PPME1: variants seen among roughly 807,000 people sequenced by gnomAD.
PPME1 encodes testicular secretory protein Li 39.
Under a neutral mutation model 56.9 loss-of-function variants are expected in PPME1, and 17 were observed. The observed-to-expected ratio is 0.30, with a 90% CI of 0.20 to 0.45. The LOEUF (loss-of-function observed/expected upper bound fraction) is 0.45, where lower values mean the gene tolerates loss of function less well. Among genes scored for constraint, PPME1 ranks in the 20% least tolerant of loss-of-function variants. The probability of loss-of-function intolerance (pLI) is 1.00; values close to 1 mark genes in which losing one functional copy is unlikely to be tolerated. For missense variants in PPME1, 357 were observed against 483.2 expected (o/e 0.74, Z 2.45); for synonymous variants, 122 against 156.2 (o/e 0.78, Z 1.63).
chr11:74,246,778 C>T (rs1167859159), intron 10 of PPME1, among the ~76,000 whole-genome samples: 1 of 152,166 alleles, frequency 6.6e-6, no homozygotes, highest in Non-Finnish European at 1.5e-5. Context: ...TCTGGCCTGG[C>T]CTGTCTACTT....
intron 3 of PPME1, among the ~76,000 whole-genome samples, chr11:74,220,884 G>T (rs1858782228): frequency 6.6e-6 from 1 of 152,058 alleles, no homozygotes; most frequent in African/African-American, 2.4e-5. Flanking sequence ...CTGACTTTTT[G>T]ATTATCTTTA....
chr11:74,212,715 T>G lies in PPME1; in HGVS notation c.288+8270T>G, dbSNP rs377360797. On this transcript the variant is annotated intron_variant, in intron 3 of 13. Coordinates refer to ENST00000328257, the MANE Select transcript of PPME1 (RefSeq NM_016147.3). ...GAGTACCAAGGCCCATTCCAGGCCC[T>G]AATTCCCAGACAGCATGACACATAC... is the stretch of plus-strand genomic sequence containing the variant. 1.8e-4 allele frequency among the ~76,000 whole-genome samples: 27 copies of G among 152,154 alleles called. No individual in the cohort carries two copies. In the South Asian group the frequency reaches 5.6e-3, roughly 32 times the overall value.
chr11:74,188,663 C>T (rs189091741), intron 1 of PPME1, among the ~76,000 whole-genome samples: 12 of 152,176 alleles, frequency 7.9e-5, no homozygotes, highest in Admixed American at 5.9e-4. Context: ...TTGCTTTATC[C>T]AAATATGTAT....
rs1294839996 is a variant in PPME1, at chr11:74,254,206, C to T, written c.*696C>T. Reference sequence around the variant, plus strand: ...TGCCCTGGGCTGAGGCCAGGCTGCTCCAGGGGCCTCCTGCGCCCTCACCTG... The same window carrying T: ...TGCCCTGGGCTGAGGCCAGGCTGCTTCAGGGGCCTCCTGCGCCCTCACCTG... On this transcript the variant is annotated 3_prime_UTR_variant, in exon 14 of 14. Coordinates refer to ENST00000328257, the MANE Select transcript of PPME1 (RefSeq NM_016147.3). 6.5e-6 allele frequency: 1 copy of T among 153,102 alleles called. No individual in the cohort carries two copies. 9.5% of individuals were successfully genotyped at this position (153,102 alleles called of 1,614,324 possible).
At chr11:74,202,755 A>G (rs779359901) in intron 1 of PPME1, among the ~76,000 whole-genome samples, 3 of 152,200 alleles carry the variant, frequency 2.0e-5, no homozygotes, top group Non-Finnish European at 4.4e-5. Context: ...ATTTTTTAAT[A>G]ATACATGATC....
Position 74,171,521 on chromosome 11 carries a change from G to C in PPME1, c.100G>C (p.Gly34Arg), listed in dbSNP as rs1055937547. 1.9e-6 allele frequency: 3 copies of C among 1,611,672 alleles called. No homozygotes were observed. Among genetic ancestry groups the C allele is most frequent in the Non-Finnish European group, 2.5e-6 (3 of 1,179,138 alleles). Reference sequence around the variant, plus strand: ...TCAGAGCGGAGCCAAGATGCGAATGGGGTACGTGACCCATACCCCTTCTCC... The same window carrying C: ...TCAGAGCGGAGCCAAGATGCGAATGCGGTACGTGACCCATACCCCTTCTCC... ...GSQSGAKMRM[G>R]PGRKRDFSPV... Residue 34 changes from glycine (G) to arginine (R), a missense_variant and splice_region_variant, in exon 1 of 14, where the codon GGC (glycine) becomes CGC (arginine). Around this residue, in one of 2 missense-constraint regions of PPME1, gnomAD observed 175 missense variants for 189.4 expected, o/e 0.92. Transcript: ENST00000328257.
chr11:74,185,471 T>G (rs1857655128), intron 1 of PPME1, among the ~76,000 whole-genome samples: 1 of 152,154 alleles, frequency 6.6e-6, no homozygotes, highest in South Asian at 2.1e-4. Flanking sequence ...GTAGCTTACA[T>G]AAATGCTGAC....
At chr11:74,200,358 TGTG>T (rs1858123436) in intron 1 of PPME1, among the ~76,000 whole-genome samples, 1 of 1,744 alleles carries the variant, frequency 5.7e-4, no homozygotes, top group South Asian at 0.015. Context: ...TCATGTGTTT[TGTG>T]TGTGTGTGTG....
chr11:74,177,979 A>G (rs973381764), intron 1 of PPME1, among the ~76,000 whole-genome samples: 2 of 152,230 alleles, frequency 1.3e-5, no homozygotes, highest in Admixed American at 6.5e-5. Context: ...AACTCACATT[A>G]GCAACATTAT....
intron 3 of PPME1, among the ~76,000 whole-genome samples, chr11:74,208,717 A>G (rs1020286464): frequency 6.6e-6 from 1 of 152,242 alleles, no homozygotes; most frequent in African/African-American, 2.4e-5. Context: ...TTGCAGCAAG[A>G]TACAAAGGTA....
At chr11:74,239,826 C>T (rs922672278) in intron 9 of PPME1, among the ~76,000 whole-genome samples, 4 of 152,028 alleles carry the variant, frequency 2.6e-5, no homozygotes, top group Admixed American at 1.3e-4. Context: ...GTGATCCACC[C>T]GCCTTGGCCT....
chr11:74,247,367 G>A, intron 11 of PPME1: 1 of 460,724 alleles, frequency 2.2e-6, no homozygotes, highest in Non-Finnish European at 3.8e-6. Context: ...TACTACCTAT[G>A]TCTCAGTTAT....
intron 1 of PPME1, among the ~76,000 whole-genome samples, chr11:74,172,839 G>T (rs1261075805): frequency 2.0e-5 from 3 of 152,166 alleles, no homozygotes; most frequent in African/African-American, 7.2e-5. Flanking sequence ...TTTGAAAAAG[G>T]ACTACAGAAG....
intron 11 of PPME1, chr11:74,248,069 T>C (rs1306869367): frequency 1.3e-5 from 2 of 152,438 alleles, no homozygotes; most frequent in Admixed American, 6.5e-5. Context: ...GAAAGTGACA[T>C]GCTGAGCACT....
At chr11:74,182,205 A>T (rs1857558132) in intron 1 of PPME1, among the ~76,000 whole-genome samples, 1 of 152,068 alleles carries the variant, frequency 6.6e-6, no homozygotes, top group Non-Finnish European at 1.5e-5. Context: ...ATTTTTTTTT[A>T]AATGTAGATA....
chr11:74,173,565 A>G (rs1279932246), intron 1 of PPME1, among the ~76,000 whole-genome samples: 2 of 152,090 alleles, frequency 1.3e-5, no homozygotes, highest in East Asian at 3.9e-4. Context: ...TTTTAGAGAC[A>G]GAGTCTCACT....
chr11:74,171,312 C>A lies in PPME1; in HGVS notation c.-110C>A. The A allele has an allele frequency of 1.3e-6, 2 of 1,510,552 alleles. No individual in the cohort carries two copies. Among genetic ancestry groups the A allele is most frequent in the Non-Finnish European group, 1.8e-6 (2 of 1,129,320 alleles). 93.6% of individuals were successfully genotyped at this position (1,510,552 alleles called of 1,614,324 possible). On this transcript the variant is annotated 5_prime_UTR_variant, in exon 1 of 14. Transcript: ENST00000328257. ...GTGCTACGGGTAGCTGGGTGCTGTC[C>A]AAAGGCGACAGGGCGTCGTTAGGGG... is the stretch of plus-strand genomic sequence containing the variant.
rs1941816 is a variant in PPME1 at position 74,219,368 on chromosome 11, G to A, written c.289-2944G>A. Among the ~76,000 whole-genome samples the A allele has an allele frequency of 0.02, 2,999 of 150,918 alleles. 225 individuals are homozygous for A. In the East Asian group the frequency reaches 0.2, roughly 10 times the overall value. ...AAAAAAAACTAAAAATAGAACTACC[G>A]TATAATGCAGCAATCCCGCTACTAT... On this transcript the variant is annotated intron_variant, in intron 3 of 13. Transcript: ENST00000328257.
chr11:74,217,436 A>G (rs1858679015), intron 3 of PPME1, among the ~76,000 whole-genome samples: 1 of 151,288 alleles, frequency 6.6e-6, no homozygotes, highest in South Asian at 2.1e-4. Flanking sequence ...CAGCTACTCA[A>G]GAGGCAGAGG....
Sources: gnomAD v4.1 joint callset for allele counts (sites outside exome capture counted in the v4.1 genomes callset) on GRCh38, gnomAD v4.1.1 for gene constraint, gnomAD v4.1.1 regional missense constraint, MANE v1.5 for transcripts, NCBI Gene and HGNC (gene_info 2026-07-23, HGNC 2026-07-21) for gene names.